Variants in ATXN1 observed in about 807,000 individuals in gnomAD.
The protein encoded by ATXN1 is ataxin-1.
A neutral mutation model predicts 56.4 loss-of-function variants in ATXN1; 8 were observed. That is an observed-to-expected ratio of 0.14 (90% CI 0.08 to 0.26). ATXN1 has a LOEUF of 0.26. Among genes scored for constraint, ATXN1 ranks in the 10% least tolerant of loss-of-function variants. The pLI is 1.00. For synonymous variants in ATXN1, 514 were observed against 494.6 expected, an observed-to-expected ratio of 1.04 and a Z score of -0.52; for missense variants, 987 against 1,106.5, an observed-to-expected ratio of 0.89 and a Z score of 1.53.
intron 6 of ATXN1, among the ~76,000 whole-genome samples, chr6:16,440,851 G>C (rs1389317953): frequency 6.6e-6 from 1 of 152,040 alleles, no homozygotes; most frequent in Non-Finnish European, 1.5e-5. Flanking sequence ...ACAAAATGAG[G>C]TTACTGTGTA....
intron 4 of ATXN1, among the ~76,000 whole-genome samples, chr6:16,565,902 G>A (rs1394188996): frequency 6.6e-6 from 1 of 152,144 alleles, no homozygotes; most frequent in Non-Finnish European, 1.5e-5. Flanking sequence ...AGCACATCCG[G>A]CAAGTGTAAA....
intron 2 of ATXN1, among the ~76,000 whole-genome samples, chr6:16,702,131 A>C (rs1759298900): frequency 6.6e-6 from 1 of 152,146 alleles, no homozygotes; most frequent in African/African-American, 2.4e-5. Flanking sequence ...TGGTACCAAA[A>C]CAGAGATATA....
chr6:16,483,909 T>TA (rs1407341175), intron 6 of ATXN1, among the ~76,000 whole-genome samples: 6 of 152,186 alleles, frequency 3.9e-5, no homozygotes, highest in African/African-American at 1.4e-4. Flanking sequence ...AAAAATGCTT[T>TA]AAAAAATACC....
At chr6:16,688,546 C>T (rs1270841824) in intron 2 of ATXN1, among the ~76,000 whole-genome samples, 7 of 152,194 alleles carry the variant, frequency 4.6e-5, no homozygotes, top group African/African-American at 1.4e-4. Context: ...TGATGAAGTA[C>T]CTGCTTAACA....
At chr6:16,431,022 T>C (rs534268344) in intron 6 of ATXN1, among the ~76,000 whole-genome samples, 4 of 137,992 alleles carry the variant, frequency 2.9e-5, no homozygotes, top group African/African-American at 8.0e-5. Context: ...CATGTTTCTA[T>C]GACCTTCCTC....
At chr6:16,644,384 A>G (rs1180337715) in intron 3 of ATXN1, among the ~76,000 whole-genome samples, 1 of 151,984 alleles carries the variant, frequency 6.6e-6, no homozygotes, top group African/African-American at 2.4e-5. Flanking sequence ...GCGTGGCGGC[A>G]TGCGCCTGTA....
intron 5 of ATXN1, among the ~76,000 whole-genome samples, chr6:16,494,571 C>G (rs925744698): frequency 1.3e-5 from 2 of 152,170 alleles, no homozygotes; most frequent in Admixed American, 6.5e-5. Flanking sequence ...AGGATTTATT[C>G]ATACAGAGAC....
At chr6:16,523,922 A>C (rs1761342443) in intron 4 of ATXN1, among the ~76,000 whole-genome samples, 1 of 152,234 alleles carries the variant, frequency 6.6e-6, no homozygotes, top group African/African-American at 2.4e-5. Flanking sequence ...ACTCAACAAT[A>C]ATCTCCAGAG....
In ATXN1 at chr6:16,327,535, C is replaced by T. The variant is rs1396575101; in HGVS notation, c.776G>A (p.Arg259His). ...HISSSPQNTG[R>H]TASPPAIPVH... ...GGGGATGGCCGGAGGAGAGGCGGTG[C>T]GGCCGGTGTTCTGCGGAGAACTGGA... The change falls in exon 7 of 8, where the codon CGC becomes CAC. Residue 259 changes from arginine (R) to histidine (H), a missense_variant. Transcript: ENST00000436367. 1.7e-5 allele frequency: 28 copies of T among 1,609,630 alleles called. No homozygotes were observed. The highest frequency in any genetic ancestry group is 4.5e-5 in the East Asian group (2 of 44,752).
At chr6:16,442,751 C>T (rs1329645995) in intron 6 of ATXN1, among the ~76,000 whole-genome samples, 1 of 152,204 alleles carries the variant, frequency 6.6e-6, no homozygotes, top group Non-Finnish European at 1.5e-5. Flanking sequence ...GTGGCTCACA[C>T]CTGTAATCCC....
chr6:16,509,031 ACTCATAGGAG>A (rs1426897509), intron 5 of ATXN1, among the ~76,000 whole-genome samples: 3 of 152,274 alleles, frequency 2.0e-5, no homozygotes, highest in Non-Finnish European at 4.4e-5. Flanking sequence ...GTGTGATTCT[ACTCATAGGAG>A]GTCCCTAGAG....
At chr6:16,697,440 G>A (rs976678265) in intron 2 of ATXN1, among the ~76,000 whole-genome samples, 2 of 151,920 alleles carry the variant, frequency 1.3e-5, no homozygotes, top group African/African-American at 4.8e-5. Context: ...CTTTTTAACA[G>A]CACTCTTTTT....
intron 6 of ATXN1, among the ~76,000 whole-genome samples, chr6:16,415,378 G>A (rs1287408464): frequency 6.6e-6 from 1 of 152,096 alleles, no homozygotes; most frequent in African/African-American, 2.4e-5. Flanking sequence ...TACGGCACCT[G>A]CCACCATGCC....
chr6:16,475,763 T>C (rs574303016), intron 6 of ATXN1, among the ~76,000 whole-genome samples: 10 of 152,210 alleles, frequency 6.6e-5, no homozygotes, highest in African/African-American at 2.4e-4. Flanking sequence ...AGCTTGCCAC[T>C]GGTCTAAAAG....
intron 2 of ATXN1, among the ~76,000 whole-genome samples, chr6:16,718,985 A>G (rs1440840989): frequency 6.6e-6 from 1 of 152,208 alleles, no homozygotes; most frequent in Non-Finnish European, 1.5e-5. Flanking sequence ...TTCTCTGACT[A>G]CTAGACTTCC....
chr6:16,639,416 C>T (rs1258570476), intron 3 of ATXN1, among the ~76,000 whole-genome samples: 2 of 152,168 alleles, frequency 1.3e-5, no homozygotes, highest in African/African-American at 2.4e-5. Context: ...TAGGTTCAAG[C>T]GATTCTCCTG....
Position 16,301,088 on chromosome 6 carries a change from T to TTTTTC in ATXN1, c.*5240_*5241insGAAAA. On this transcript the variant is annotated 3_prime_UTR_variant, in exon 8 of 8. Coordinates refer to ENST00000436367, the MANE Select transcript of ATXN1 (RefSeq NM_001128164.2). ...TGTAACTTTCAACCCTTCTCTGCTT[T>TTTTTC]TTTTTTTTTACAAACAAAGTATGAA... 6.6e-6 allele frequency: 1 copy of TTTTTC among 152,344 alleles called. No individual in the cohort carries two copies. Among genetic ancestry groups the TTTTTC allele is most frequent in the South Asian group, 2.1e-4 (1 of 4,808 alleles). The allele number at this position is 152,344 out of a possible 1,614,324, so 9.4% of individuals were successfully genotyped here. A position where few individuals can be genotyped will look rare whatever the true frequency, so the allele number is the denominator to read the frequency against.
At chr6:16,686,924 C>T (rs1186536597) in intron 2 of ATXN1, among the ~76,000 whole-genome samples, 1 of 152,160 alleles carries the variant, frequency 6.6e-6, no homozygotes, top group Non-Finnish European at 1.5e-5. Context: ...ATAATGCAGT[C>T]TTCCAAAATG....
At chr6:16,686,183 C>T (rs578126730) in intron 2 of ATXN1, among the ~76,000 whole-genome samples, 1 of 152,124 alleles carries the variant, frequency 6.6e-6, no homozygotes, top group Non-Finnish European at 1.5e-5. Flanking sequence ...TTGGTAATAC[C>T]TTGTTACACA....
Sources: gnomAD v4.1 joint callset for allele counts (sites outside exome capture counted in the v4.1 genomes callset) on GRCh38, gnomAD v4.1.1 for gene constraint, MANE v1.5 for transcripts, NCBI Gene and HGNC (gene_info 2026-07-23, HGNC 2026-07-21) for gene names.